Variants in ARNT observed in about 807,000 individuals in gnomAD.
ARNT encodes aryl hydrocarbon receptor nuclear translocator.
Under a neutral mutation model 105.0 loss-of-function variants are expected in ARNT, and 30 were observed. The ratio of observed to expected loss-of-function variants is 0.29; its 90% CI spans 0.21 to 0.39. The LOEUF is 0.39. ARNT is among the 10% of genes least tolerant of loss of function. ARNT has a pLI of 1.00. For synonymous variants in ARNT, 304 were observed against 344.0 expected (o/e 0.88, Z 1.29); for missense variants, 748 against 978.7 (o/e 0.76, Z 3.15).
chr1:150,843,906 A>C (rs1661705938), intron 4 of ARNT, among the ~76,000 whole-genome samples: 1 of 152,218 alleles, frequency 6.6e-6, no homozygotes, highest in South Asian at 2.1e-4. Flanking sequence ...ATTTAAAAAA[A>C]AGTTAAGCAT....
In ARNT at chr1:150,818,078, G is replaced by A. The variant is rs10305738; in HGVS notation, c.1395-48C>T. 3.1e-5 allele frequency: 39 copies of A among 1,250,860 alleles called. No homozygotes were observed. The South Asian group carries it at 4.4e-4, about 14-fold the overall frequency. The allele number at this position is 1,250,860 out of a possible 1,614,324, so 77.5% of individuals were successfully genotyped here. On this transcript the variant is annotated intron_variant, in intron 14 of 21. Transcript: ENST00000358595. ...AAAGAGGGGGTGGAGAGGGAGGAAG[G>A]GGGGAGAGAGAGAGAAAGAGAAGAA... is the stretch of plus-strand genomic sequence containing the variant.
intron 19 of ARNT, among the ~76,000 whole-genome samples, chr1:150,815,007 A>C (rs1655526608): frequency 6.6e-6 from 1 of 152,212 alleles, no homozygotes; most frequent in African/African-American, 2.4e-5. Context: ...AGTGAAGGAA[A>C]ATATAAAGAA....
chr1:150,844,618 G>A (rs587625939), intron 4 of ARNT, among the ~76,000 whole-genome samples: 2 of 151,860 alleles, frequency 1.3e-5, no homozygotes, highest in African/African-American at 4.8e-5. Flanking sequence ...ATCTTTCTGA[G>A]GTAGCTACAA....
chr1:150,818,835 A>G (rs1351350705), intron 14 of ARNT, among the ~76,000 whole-genome samples: 2 of 152,206 alleles, frequency 1.3e-5, no homozygotes, highest in East Asian at 1.9e-4. Context: ...GGAGAAAGCA[A>G]TTATTTCCAG....
intron 3 of ARNT, among the ~76,000 whole-genome samples, chr1:150,849,350 G>T (rs1194761172): frequency 6.6e-6 from 1 of 152,008 alleles, no homozygotes; most frequent in Non-Finnish European, 1.5e-5. Context: ...TTCAACTCTG[G>T]AAAGAAAAAA....
In ARNT at chr1:150,846,337, G is replaced by C. The variant is rs760750995; in HGVS notation, c.183-30C>G. ...AGGAGAGAAAAAGGATTGTTTCAAA[G>C]CATTACACTTGTTATATCTATTTCA... is the stretch of plus-strand genomic sequence containing the variant. On this transcript the variant is annotated intron_variant, in intron 3 of 21. Transcript: ENST00000358595. 3.1e-6 allele frequency: 5 copies of C among 1,608,886 alleles called. No homozygotes were observed. The East Asian group carries it at 1.1e-4, about 36-fold the overall frequency.
At chr1:150,834,486 T>G in intron 8 of ARNT, 52 bp downstream of exon 8, 1 of 1,561,034 alleles carries the variant, frequency 6.4e-7, no homozygotes, top group Non-Finnish European at 8.8e-7. Context: ...AATAAAACTC[T>G]CAGCTCTTGA....
intron 1 of ARNT, among the ~76,000 whole-genome samples, chr1:150,875,671 G>A (rs1668132098): frequency 6.6e-6 from 1 of 152,128 alleles, no homozygotes; most frequent in South Asian, 2.1e-4. Context: ...AAGAGGGCTG[G>A]GACTAGTAAT....
At position 150,837,647 on chromosome 1, in the gene ARNT, C is replaced by T. The variant is rs10305689; in HGVS notation, c.487-1154G>A. On this transcript the variant is annotated intron_variant, in intron 6 of 21. Coordinates refer to ENST00000358595, the MANE Select transcript of ARNT (RefSeq NM_001668.4). ...AGACATTTCCAAAGTTCATCTTAAG[C>T]CCTCTTTATTAATACCATACTTTCT... Among the ~76,000 whole-genome samples, 110 of 152,200 alleles carry T rather than the reference C, an allele frequency of 7.2e-4. 1 individual carries two copies. The Middle Eastern group carries it at 0.031, about 42-fold the overall frequency.
intron 3 of ARNT, among the ~76,000 whole-genome samples, chr1:150,847,818 T>C (rs1328380769): frequency 6.6e-6 from 1 of 152,190 alleles, no homozygotes; most frequent in Non-Finnish European, 1.5e-5. Context: ...ACTCATTAAG[T>C]CTCAAGAGAC....
At position 150,810,669 on chromosome 1, in the gene ARNT, T is replaced by C. The variant is rs1180836047; in HGVS notation, c.*1352A>G. 1 of 217,700 alleles carries C rather than the reference T, an allele frequency of 4.6e-6. No individual in the cohort carries two copies. The highest frequency in any genetic ancestry group is 2.3e-5 in the African/African-American group (1 of 44,388). The allele number at this position is 217,700 out of a possible 1,614,324, so 13.5% of individuals were successfully genotyped here. ...AAAAAAAGCTGGTATCTACGACTGT[T>C]ACCTGAGGAAGGTAAAGGGTGAGGG... is the stretch of plus-strand genomic sequence containing the variant. On this transcript the variant is annotated 3_prime_UTR_variant, in exon 22 of 22. Transcript: ENST00000358595.
In ARNT at chr1:150,810,866, A is replaced by C. The variant is rs1557835164; in HGVS notation, c.*1155T>G. ...GGAAAAACCTCTTAGGGCCAGAGAGACTTAAATCTCAGTTGCTTGCTAAAC... is the reference window on the plus strand; with the variant it reads ...GGAAAAACCTCTTAGGGCCAGAGAGCCTTAAATCTCAGTTGCTTGCTAAAC... On this transcript the variant is annotated 3_prime_UTR_variant, in exon 22 of 22. Transcript: ENST00000358595. The C allele has an allele frequency of 4.5e-6, 1 of 224,058 alleles. No homozygotes were observed. Among genetic ancestry groups the C allele is most frequent in the Non-Finnish European group, 8.9e-6 (1 of 111,914 alleles). 13.9% of individuals were successfully genotyped at this position (224,058 alleles called of 1,614,324 possible).
chr1:150,867,306 G>T (rs1230280313), intron 1 of ARNT, among the ~76,000 whole-genome samples: 4 of 151,824 alleles, frequency 2.6e-5, no homozygotes, highest in East Asian at 1.9e-4. Flanking sequence ...AAGATGGGGG[G>T]ACTACTTGAG....
chr1:150,862,695 G>A (rs1665844011), intron 1 of ARNT, among the ~76,000 whole-genome samples: 1 of 125,556 alleles, frequency 8.0e-6, no homozygotes, highest in Admixed American at 8.9e-5. Context: ...GAGCAACATA[G>A]TGAGATCCTG....
At chr1:150,840,945 CTTTTTTTTTTTT>C in intron 5 of ARNT, among the ~76,000 whole-genome samples, 1 of 103,728 alleles carries the variant, frequency 9.6e-6, no homozygotes, top group African/African-American at 3.5e-5. Flanking sequence ...CTCTCTTCTT[CTTTTTTTTTTTT>C]TTTTTTTTTG....
chr1:150,844,813 C>CTT (rs1165504473), intron 4 of ARNT, among the ~76,000 whole-genome samples: 2 of 140,248 alleles, frequency 1.4e-5, no homozygotes, highest in Non-Finnish European at 3.1e-5. Context: ...TCCTTACTGT[C>CTT]TTTTTTTTTT....
At chr1:150,840,945 C>CTTTTTTTTTT (rs777444553) in intron 5 of ARNT, among the ~76,000 whole-genome samples, 6 of 103,720 alleles carry the variant, frequency 5.8e-5, no homozygotes, top group African/African-American at 1.1e-4. Flanking sequence ...CTCTCTTCTT[C>CTTTTTTTTTT]TTTTTTTTTT....
At chr1:150,875,089 T>G (rs942474542) in intron 1 of ARNT, among the ~76,000 whole-genome samples, 28 of 152,222 alleles carry the variant, frequency 1.8e-4, no homozygotes, top group Non-Finnish European at 3.8e-4. Context: ...TATTTTGCAA[T>G]GTGTGATCAG....
At chr1:150,830,082 G>T in intron 10 of ARNT, 102 bp from the exon 11 acceptor site, 4 of 1,324,600 alleles carry the variant, frequency 3.0e-6, no homozygotes, top group Non-Finnish European at 4.2e-6. Flanking sequence ...TTATGGGCCA[G>T]GCACCGTGGC....
Sources: gnomAD v4.1 joint callset for allele counts (sites outside exome capture counted in the v4.1 genomes callset) on GRCh38, gnomAD v4.1.1 for gene constraint, MANE v1.5 for transcripts, NCBI Gene and HGNC (gene_info 2026-07-23, HGNC 2026-07-21) for gene names.